The following METTL16 variants were observed in gnomAD, a reference collection of about 807,000 sequenced individuals.
METTL16 encodes the protein RNA N(6)-adenosine-methyltransferase METTL16.
Under a neutral mutation model 57.9 loss-of-function variants are expected in METTL16, and 19 were observed. The ratio of observed to expected loss-of-function variants is 0.33; its 90% confidence interval spans 0.23 to 0.48. The LOEUF (loss-of-function observed/expected upper bound fraction) is 0.48. Ranked by LOEUF, METTL16 falls within the 20% of genes least tolerant of loss-of-function variation. METTL16 has a pLI of 0.99. For missense variants in METTL16, 434 were observed against 691.5 expected (o/e 0.63, Z 4.18); for synonymous variants, 246 against 255.6 (o/e 0.96, Z 0.36).
chr17:2,431,930 T>C (rs955509534), intron 8 of METTL16, among the ~76,000 whole-genome samples: 2 of 146,936 alleles, frequency 1.4e-5, no homozygotes, highest in African/African-American at 2.7e-5. Context: ...TCTCAGAAGC[T>C]CAATGTGACT....
chr17:2,484,656 G>A (rs544707081), intron 2 of METTL16, among the ~76,000 whole-genome samples: 10 of 152,122 alleles, frequency 6.6e-5, no homozygotes, highest in South Asian at 6.2e-4. Flanking sequence ...CACCATGCCC[G>A]GCTAATTTTG....
At chr17:2,474,008 T>C (rs968512208) in intron 3 of METTL16, among the ~76,000 whole-genome samples, 4 of 152,148 alleles carry the variant, frequency 2.6e-5, no homozygotes, top group African/African-American at 9.7e-5. Context: ...GTCATTCGTG[T>C]ATGTTAGTCC....
intron 1 of METTL16, among the ~76,000 whole-genome samples, chr17:2,509,511 C>A (rs2067571816): frequency 6.6e-6 from 1 of 152,148 alleles, no homozygotes; most frequent in African/African-American, 2.4e-5. Context: ...CCAGGAGTTC[C>A]AGTCCAGCCT....
chr17:2,432,773 A>G (rs2066882601), intron 8 of METTL16, among the ~76,000 whole-genome samples: 2 of 152,172 alleles, frequency 1.3e-5, no homozygotes. Context: ...GTGGGAAGAA[A>G]TGGTGGGAAA....
intron 1 of METTL16, among the ~76,000 whole-genome samples, chr17:2,504,115 C>T (rs1019152377): frequency 3.3e-5 from 5 of 152,122 alleles, no homozygotes; most frequent in Non-Finnish European, 7.4e-5. Context: ...ATAAACCACA[C>T]ACAAAAGGAC....
In METTL16 at chr17:2,420,594, G is replaced by A; in HGVS notation, c.1065C>T (p.Val355=). ...WIEKILTDLK[V]QHKRVPCGKE... ...TTCCACAGGGAACTCGTTTATGCTG[G>A]ACCTGTTTGGAGGAAAAACAGAATT... The change falls in exon 10 of 10, where the codon GTC becomes GTT. Residue 355 remains valine, a splice_region_variant and synonymous_variant. Transcript: ENST00000263092. The surrounding 1 kb of genome is among the most constrained non-coding windows in gnomAD (Gnocchi z 5.4). 6.3e-7 allele frequency: 1 copy of A among 1,598,182 alleles called. No homozygotes were observed. Among genetic ancestry groups the A allele is most frequent in the Non-Finnish European group, 8.5e-7 (1 of 1,174,650 alleles).
intron 1 of METTL16, among the ~76,000 whole-genome samples, chr17:2,503,639 AT>A (rs1440644100): frequency 6.6e-6 from 1 of 152,060 alleles, no homozygotes; most frequent in African/African-American, 2.4e-5. Flanking sequence ...AAAACATGGT[AT>A]ATCCATACAA....
Position 2,506,207 on chromosome 17 carries a change from T to C in METTL16, c.1-3876A>G, listed in dbSNP as rs960191060. The stretch of plus-strand genomic sequence containing the variant: ...ACCTCTTCTTCAGGAAGATCTTTCC[T>C]TCCCTAATCTCCCCAGTTAAGACAA... On this transcript the variant is annotated intron_variant, in intron 1 of 9. Transcript: ENST00000263092. 5.9e-5 allele frequency among the ~76,000 whole-genome samples: 9 copies of C among 151,294 alleles called. 1 individual carries two copies. Among genetic ancestry groups the C allele is most frequent in the Middle Eastern group, 6.8e-3 (2 of 294 alleles).
intron 2 of METTL16, among the ~76,000 whole-genome samples, chr17:2,491,055 T>G (rs952309650): frequency 1.3e-5 from 2 of 152,206 alleles, no homozygotes. Context: ...AAAATACTTT[T>G]GTTGGGCAAA....
chr17:2,471,207 T>C (rs1567897315), intron 4 of METTL16, among the ~76,000 whole-genome samples: 1 of 152,200 alleles, frequency 6.6e-6, no homozygotes, highest in Non-Finnish European at 1.5e-5. Context: ...AGTCCTGCTC[T>C]GTTTCCCAGG....
At chr17:2,429,927 C>T (rs1472895153) in intron 8 of METTL16, among the ~76,000 whole-genome samples, 1 of 151,870 alleles carries the variant, frequency 6.6e-6, no homozygotes, top group Non-Finnish European at 1.5e-5. Flanking sequence ...TCTCCTGTCT[C>T]AGCCTCCCGA....
At chr17:2,480,185 C>CAAAAAA (rs953770502) in intron 2 of METTL16, among the ~76,000 whole-genome samples, 2 of 61,870 alleles carry the variant, frequency 3.2e-5, no homozygotes, top group Admixed American at 1.8e-4. Context: ...GACTCTGTCT[C>CAAAAAA]AAAAAAAAAA....
intron 2 of METTL16, among the ~76,000 whole-genome samples, chr17:2,489,480 C>A (rs1479782457): frequency 1.3e-5 from 2 of 151,916 alleles, no homozygotes; most frequent in South Asian, 2.1e-4. Context: ...CACGGTGAAA[C>A]CCCGTCTCCA....
At chr17:2,456,198 C>A (rs1217478132) in intron 6 of METTL16, among the ~76,000 whole-genome samples, 1 of 152,070 alleles carries the variant, frequency 6.6e-6, no homozygotes, top group Non-Finnish European at 1.5e-5. Context: ...CATCTGTCCC[C>A]AGTACTTCTC....
chr17:2,503,476 G>A (rs1355021935), intron 1 of METTL16, among the ~76,000 whole-genome samples: 1 of 141,606 alleles, frequency 7.1e-6, no homozygotes, highest in African/African-American at 2.6e-5. Flanking sequence ...ATAAATATGG[G>A]TCAACAAAAT....
At chr17:2,501,683 C>T (rs1461151411) in intron 2 of METTL16, among the ~76,000 whole-genome samples, 2 of 152,032 alleles carry the variant, frequency 1.3e-5, no homozygotes, top group African/African-American at 4.8e-5. Context: ...CATGGTGAAA[C>T]CCCGTCTCTA....
At chr17:2,480,931 G>A (rs913895391) in intron 2 of METTL16, among the ~76,000 whole-genome samples, 2 of 152,140 alleles carry the variant, frequency 1.3e-5, no homozygotes, top group Non-Finnish European at 2.9e-5. Context: ...GGCTGGGCAC[G>A]GCAGCTCACA....
At chr17:2,428,941 C>G (rs1407811609) in intron 8 of METTL16, among the ~76,000 whole-genome samples, 1 of 152,090 alleles carries the variant, frequency 6.6e-6, no homozygotes, top group African/African-American at 2.4e-5. Flanking sequence ...TCACCGCAAC[C>G]TCTGCCTCCT....
At chr17:2,438,246 AAT>A (rs752180602) in intron 7 of METTL16, 48 bp from the exon 8 acceptor site, 6 of 1,376,218 alleles carry the variant, frequency 4.4e-6, no homozygotes, top group Non-Finnish European at 5.2e-6. Flanking sequence ...TCATTCTACC[AAT>A]ATGTTTCTGG....
Sources: gnomAD v4.1 joint callset for allele counts (sites outside exome capture counted in the v4.1 genomes callset) on GRCh38, gnomAD v4.1.1 for gene constraint, Gnocchi (gnomAD v3.1) non-coding constraint, MANE v1.5 for transcripts, NCBI Gene and HGNC (gene_info 2026-07-23, HGNC 2026-07-21) for gene names.